Variants in MNAT1 observed in about 807,000 individuals in gnomAD.
The protein encoded by MNAT1 is CDK-activating kinase assembly factor MAT1.
A neutral mutation model predicts 42.0 loss-of-function variants in MNAT1; 43 were observed. That is an observed-to-expected ratio of 1.02 (90% CI 0.80 to 1.32). The LOEUF (loss-of-function observed/expected upper bound fraction) is 1.32, where lower values mean the gene tolerates loss of function less well. Ranked by LOEUF, MNAT1 falls within the 40% of genes most tolerant of loss-of-function variation. The probability of loss-of-function intolerance (pLI) is 0.00; values close to 1 mark genes in which losing one functional copy is unlikely to be tolerated. For missense variants in MNAT1, 306 were observed against 350.4 expected, an observed-to-expected ratio of 0.87 and a Z score of 1.01; for synonymous variants, 118 against 120.0, an observed-to-expected ratio of 0.98 and a Z score of 0.11.
Position 60,929,162 on chromosome 14 carries a change from A to ATAT in MNAT1, c.810-39067_810-39066insTAT, listed in dbSNP as rs1422031735. On this transcript the variant is annotated intron_variant, in intron 7 of 7. Coordinates refer to ENST00000261245, the MANE Select transcript of MNAT1 (RefSeq NM_002431.4). ...ACTCCATCTCCCAAAAAAAAAAAAA[A>ATAT]AAAAAAAAATATATATATATATATA... Among the ~76,000 whole-genome samples, 167 of 127,834 alleles carry ATAT rather than the reference A, an allele frequency of 1.3e-3. 1 individual carries two copies. Among genetic ancestry groups the ATAT allele is most frequent in the African/African-American group, 5.3e-3 (148 of 28,110 alleles). The allele number at this position is 127,834 out of a possible 152,430, so 83.9% of individuals were successfully genotyped here. A position where few individuals can be genotyped will look rare whatever the true frequency, so the allele number is the denominator to read the frequency against.
At chr14:60,832,118 A>C (rs2033243497) in intron 6 of MNAT1, among the ~76,000 whole-genome samples, 1 of 152,006 alleles carries the variant, frequency 6.6e-6, no homozygotes. Flanking sequence ...ATTTTCTCCC[A>C]TTCTGTAGGT....
At chr14:60,796,195 T>C in intron 1 of MNAT1, 22 bp from the exon 2 acceptor site, 1 of 1,597,432 alleles carries the variant, frequency 6.3e-7, no homozygotes, top group Non-Finnish European at 8.5e-7. Flanking sequence ...TTAAATGTTA[T>C]GTTTTATTTC....
intron 3 of MNAT1, among the ~76,000 whole-genome samples, chr14:60,800,467 G>A (rs2139333670): frequency 6.6e-6 from 1 of 152,138 alleles, no homozygotes; most frequent in East Asian, 1.9e-4. Flanking sequence ...TGAAGTCTAG[G>A]AGTCCAAGGC....
At chr14:60,898,857 C>G (rs1314156438) in intron 7 of MNAT1, among the ~76,000 whole-genome samples, 1 of 152,024 alleles carries the variant, frequency 6.6e-6, no homozygotes, top group Non-Finnish European at 1.5e-5. Flanking sequence ...AGTGTTTCCC[C>G]TTTGTTTTTT....
intron 1 of MNAT1, among the ~76,000 whole-genome samples, chr14:60,788,581 T>C (rs1363998542): frequency 6.6e-6 from 1 of 152,204 alleles, no homozygotes; most frequent in African/African-American, 2.4e-5. Context: ...TTCATCTGCA[T>C]TGAAAAGTCT....
intron 7 of MNAT1, among the ~76,000 whole-genome samples, chr14:60,929,318 T>C (rs1009641250): frequency 2.0e-5 from 3 of 151,636 alleles, no homozygotes; most frequent in Non-Finnish European, 4.4e-5. Context: ...TTTTTTCTTT[T>C]ATGGATCATG....
At chr14:60,805,080 A>C (rs1008524132) in intron 3 of MNAT1, among the ~76,000 whole-genome samples, 2 of 152,196 alleles carry the variant, frequency 1.3e-5, no homozygotes, top group African/African-American at 4.8e-5. Flanking sequence ...CCATGTTCAA[A>C]TCAGTAATTA....
intron 7 of MNAT1, among the ~76,000 whole-genome samples, chr14:60,958,203 G>A (rs1254018643): frequency 6.6e-6 from 1 of 152,146 alleles, no homozygotes; most frequent in African/African-American, 2.4e-5. Flanking sequence ...TGCATTTCTT[G>A]TAACACAAGT....
chr14:60,761,484 T>C (rs1381229901), intron 1 of MNAT1, among the ~76,000 whole-genome samples: 1 of 152,252 alleles, frequency 6.6e-6, no homozygotes, highest in Non-Finnish European at 1.5e-5. Context: ...TTTGGGATTA[T>C]CTAATTTTCA....
intron 5 of MNAT1, 38 bp downstream of exon 5, chr14:60,812,165 C>T: frequency 1.3e-6 from 2 of 1,483,076 alleles, no homozygotes; most frequent in African/African-American, 1.4e-5. Flanking sequence ...AAAAAACATT[C>T]TTCAGGATTT....
At chr14:60,837,268 A>G (rs4151243) in intron 6 of MNAT1, among the ~76,000 whole-genome samples, 221 of 152,300 alleles carry the variant, frequency 1.5e-3, no homozygotes, top group African/African-American at 5.0e-3. Context: ...CCACTGGGTT[A>G]TGAAAAAAGA....
intron 7 of MNAT1, among the ~76,000 whole-genome samples, chr14:60,899,968 G>A (rs937211827): frequency 6.6e-6 from 1 of 151,446 alleles, no homozygotes; most frequent in Non-Finnish European, 1.5e-5. Context: ...TGTTTTGGTT[G>A]CCACAAACTG....
At chr14:60,844,254 T>C (rs2033625251) in intron 6 of MNAT1, among the ~76,000 whole-genome samples, 1 of 152,168 alleles carries the variant, frequency 6.6e-6, no homozygotes, top group Non-Finnish European at 1.5e-5. Context: ...TTGTCAGTTT[T>C]TACAAAAATT....
At chr14:60,817,038 T>C (rs940010927) in intron 5 of MNAT1, among the ~76,000 whole-genome samples, 2 of 151,962 alleles carry the variant, frequency 1.3e-5, no homozygotes, top group African/African-American at 2.4e-5. Flanking sequence ...GAATTTTTGC[T>C]TTTTAAAGGA....
intron 7 of MNAT1, among the ~76,000 whole-genome samples, chr14:60,924,234 C>T (rs1358457606): frequency 6.6e-6 from 1 of 151,892 alleles, no homozygotes; most frequent in Non-Finnish European, 1.5e-5. Context: ...TAATAATAGC[C>T]TGTTTTTTGT....
chr14:60,882,371 T>A (rs1174450557), intron 7 of MNAT1, among the ~76,000 whole-genome samples: 1 of 152,160 alleles, frequency 6.6e-6, no homozygotes. Flanking sequence ...CTTAACATAA[T>A]GACCACCAGT....
intron 1 of MNAT1, among the ~76,000 whole-genome samples, chr14:60,769,840 T>C (rs1487493250): frequency 1.3e-5 from 2 of 152,074 alleles, no homozygotes; most frequent in African/African-American, 4.8e-5. Flanking sequence ...TTAAAATGTT[T>C]TTTTTGTAGA....
intron 1 of MNAT1, among the ~76,000 whole-genome samples, chr14:60,792,910 A>G (rs1375365825): frequency 6.6e-6 from 1 of 152,188 alleles, no homozygotes; most frequent in Non-Finnish European, 1.5e-5. Context: ...TTTATTTGAA[A>G]AAATTCCTAG....
intron 1 of MNAT1, among the ~76,000 whole-genome samples, chr14:60,785,980 C>T (rs770183740): frequency 2.6e-5 from 4 of 151,506 alleles, no homozygotes; most frequent in Non-Finnish European, 2.9e-5. Flanking sequence ...TTTTTCATGG[C>T]CTCTTAAAAA....
Sources: gnomAD v4.1 joint callset for allele counts (sites outside exome capture counted in the v4.1 genomes callset) on GRCh38, gnomAD v4.1.1 for gene constraint, MANE v1.5 for transcripts, NCBI Gene and HGNC (gene_info 2026-07-23, HGNC 2026-07-21) for gene names.